Variants in TPR observed in about 807,000 individuals in gnomAD.
The protein encoded by TPR is nucleoprotein TPR.
In TPR, 51 loss-of-function variants were observed where a neutral mutation model predicts 316.1. The ratio of observed to expected loss-of-function variants is 0.16; its 90% CI spans 0.13 to 0.20. The LOEUF is 0.20. Ranked by LOEUF, TPR falls within the 10% of genes least tolerant of loss-of-function variation. The pLI, the probability that TPR is intolerant of heterozygous loss-of-function variation, is 1.00. For synonymous variants in TPR, 981 were observed against 914.7 expected, an observed-to-expected ratio of 1.07 and a Z score of -1.31; for missense variants, 2,272 against 2,754.8, an observed-to-expected ratio of 0.82 and a Z score of 3.92.
intron 14 of TPR, among the ~76,000 whole-genome samples, chr1:186,356,945 T>C (rs1659046814): frequency 6.6e-6 from 1 of 152,234 alleles, no homozygotes. Flanking sequence ...GTCTTACCCA[T>C]AACCTGAGGT....
At chr1:186,368,753 T>C (rs1300492093) in intron 3 of TPR, among the ~76,000 whole-genome samples, 7 of 152,248 alleles carry the variant, frequency 4.6e-5, no homozygotes, top group African/African-American at 1.7e-4. Context: ...AGAAGCTTTT[T>C]AGTTTGATGT....
intron 17 of TPR, among the ~76,000 whole-genome samples, chr1:186,355,063 CT>C (rs1334607900): frequency 3.3e-5 from 5 of 152,094 alleles, no homozygotes; most frequent in Non-Finnish European, 5.9e-5. Flanking sequence ...AACACTGCCG[CT>C]CAGCTAATTT....
chr1:186,372,215 C>T (rs927217904), intron 2 of TPR, among the ~76,000 whole-genome samples: 8 of 152,172 alleles, frequency 5.3e-5, no homozygotes, highest in African/African-American at 1.9e-4. Context: ...TCCTGTGTTC[C>T]TTCTCCATCA....
chr1:186,356,168 T>C (rs1238281222), intron 15 of TPR, 118 bp downstream of exon 15: 2 of 852,650 alleles, frequency 2.3e-6, no homozygotes, highest in South Asian at 2.2e-5. Flanking sequence ...TAAGCAATTA[T>C]ATATGGTAGT....
Position 186,312,337 on chromosome 1 carries a change from A to G in TPR, c.*1634T>C, listed in dbSNP as rs1357597577. 1 of 1,609,454 alleles carries G rather than the reference A, an allele frequency of 6.2e-7. No homozygotes were observed. The highest frequency in any genetic ancestry group is 1.1e-5 in the South Asian group (1 of 89,894). On this transcript the variant is annotated 3_prime_UTR_variant, in exon 51 of 51. Coordinates refer to ENST00000367478, the MANE Select transcript of TPR (RefSeq NM_003292.3). ...TCTCAAACACACACCATCAGAATTC[A>G]ATATTCACCTGCCAGACTGGCTTAT... is the stretch of plus-strand genomic sequence containing the variant.
At chr1:186,360,969 C>T in intron 9 of TPR, 64 bp from the exon 10 acceptor site, 1 of 1,522,618 alleles carries the variant, frequency 6.6e-7, no homozygotes, top group Non-Finnish European at 8.9e-7. Context: ...TTACAAAATG[C>T]AACAGATCAG....
rs1402771789 is a variant in TPR, at chr1:186,313,967, CCATT to C, written c.7092_*3del. ...ATTCACAGTTGTTATTGTTTACAGA[CCATT>C]TAATTAATATTTCCTCTGTTTATTC... On this transcript the variant is annotated stop_retained_variant and 3_prime_UTR_variant, in exon 51 of 51. Coordinates refer to ENST00000367478, the MANE Select transcript of TPR (RefSeq NM_003292.3). 1 of 1,611,094 alleles carries C rather than the reference CCATT, an allele frequency of 6.2e-7. No individual in the cohort carries two copies. Among genetic ancestry groups the C allele is most frequent in the African/African-American group, 1.3e-5 (1 of 74,864 alleles).
At chr1:186,365,753 G>A (rs1300685996) in intron 4 of TPR, among the ~76,000 whole-genome samples, 3 of 152,170 alleles carry the variant, frequency 2.0e-5, no homozygotes, top group Non-Finnish European at 2.9e-5. Flanking sequence ...TGTGCATGAT[G>A]TCACAAAATT....
In TPR at chr1:186,326,200, A is replaced by T. The variant is rs1307951926; in HGVS notation, c.5925T>A (p.Asp1975Glu). The change falls in exon 41 of 51, where the codon GAT becomes GAA. Residue 1975 changes from aspartate to glutamate, a missense_variant. Asp to Glu is a conservative substitution (Grantham distance 45). This residue lies in a region of TPR where 435 missense variants were observed against 461.1 expected (regional missense o/e 0.94). Transcript: ENST00000367478. The part of the protein sequence containing the change: ...YEEDEEDDDD[D>E]EDDTGMGDEG... ...CATCTCCCATCCCTGTGTCATCTTC[A>T]TCATCATCATCATCTTCCTCATCCT... 2.5e-6 allele frequency: 4 copies of T among 1,595,452 alleles called. No homozygotes were observed. In the African/African-American group the frequency reaches 4.0e-5, roughly 16 times the overall value.
Position 186,344,530 on chromosome 1 carries a change from G to C in TPR, c.3262C>G (p.Leu1088Val), listed in dbSNP as rs370063219. The stretch of plus-strand genomic sequence containing the variant: ...AGAGCTTCAACATCAGCAGCATGCA[G>C]CATCAATTCTCTCTCATACTTATTC... ...AQNKYERELMLHAADVEALQA... is the reference protein window; with the variant it reads ...AQNKYERELMVHAADVEALQA... The change falls in exon 25 of 51, where the codon CTG (leucine) becomes GTG (valine). Residue 1088 changes from leucine to valine, a missense_variant. Coordinates refer to ENST00000367478, the MANE Select transcript of TPR (RefSeq NM_003292.3). The C allele has an allele frequency of 2.5e-6, 4 of 1,610,384 alleles. No homozygotes were observed. The Admixed American group carries it at 5.0e-5, about 20-fold the overall frequency.
intron 3 of TPR, among the ~76,000 whole-genome samples, chr1:186,370,000 C>T (rs1457188549): frequency 6.6e-6 from 1 of 152,048 alleles, no homozygotes; most frequent in Non-Finnish European, 1.5e-5. Context: ...TTTGTGACAG[C>T]TCTGCTTCTT....
intron 43 of TPR, among the ~76,000 whole-genome samples, chr1:186,323,204 T>C (rs866193003): frequency 6.6e-6 from 1 of 152,138 alleles, no homozygotes; most frequent in Non-Finnish European, 1.5e-5. Context: ...CCCTACTACA[T>C]GCTAAATATA....
At position 186,312,196 on chromosome 1, in the gene TPR, T is replaced by C. The variant is rs1293985; in HGVS notation, c.*1775A>G. Reference sequence around the variant, plus strand: ...ACAGGTGGCAGCATTCAGCAGTATATTTATAAACAGGAACCTGTACAGAAG... The same window carrying C: ...ACAGGTGGCAGCATTCAGCAGTATACTTATAAACAGGAACCTGTACAGAAG... On this transcript the variant is annotated 3_prime_UTR_variant, in exon 51 of 51. Coordinates refer to ENST00000367478, the MANE Select transcript of TPR (RefSeq NM_003292.3). The C allele has an allele frequency of 4.9e-4, 785 of 1,613,950 alleles. 1 individual carries two copies. In the African/African-American group the frequency reaches 9.4e-3, roughly 19 times the overall value.
intron 30 of TPR, 56 bp downstream of exon 30, chr1:186,339,586 T>C (rs916869779): frequency 7.3e-7 from 1 of 1,362,576 alleles, no homozygotes; most frequent in Non-Finnish European, 9.6e-7. Flanking sequence ...GTCATGTAAA[T>C]AAGTAAAATA....
chr1:186,363,478 CTAAT>C (rs1448612088), intron 4 of TPR, 33 bp from the exon 5 acceptor site: 5 of 1,390,800 alleles, frequency 3.6e-6, no homozygotes, highest in East Asian at 2.3e-5. Context: ...AAAATAATAA[CTAAT>C]TAACACTCAG....
chr1:186,330,623 A>G (rs1371818239), intron 39 of TPR, among the ~76,000 whole-genome samples: 2 of 152,014 alleles, frequency 1.3e-5, no homozygotes, highest in East Asian at 1.9e-4. Flanking sequence ...GCATGACTCT[A>G]TTGTGTAATA....
At chr1:186,323,496 C>A (rs1044317515) in intron 43 of TPR, among the ~76,000 whole-genome samples, 190 bp downstream of exon 43, 1 of 152,064 alleles carries the variant, frequency 6.6e-6, no homozygotes, top group Non-Finnish European at 1.5e-5. Context: ...GTAACACTTG[C>A]CTTTCTAAAC....
chr1:186,335,599 A>G, intron 33 of TPR, 56 bp from the exon 34 acceptor site: 1 of 1,402,458 alleles, frequency 7.1e-7, no homozygotes. Context: ...TTAAAACAGC[A>G]TTTATGCACT....
intron 17 of TPR, among the ~76,000 whole-genome samples, chr1:186,355,027 C>T (rs944827244): frequency 6.6e-6 from 1 of 152,272 alleles, no homozygotes; most frequent in Admixed American, 6.5e-5. Flanking sequence ...CCTTAGCCTC[C>T]TGAGTAGCTG....
Sources: gnomAD v4.1 joint callset for allele counts (sites outside exome capture counted in the v4.1 genomes callset) on GRCh38, gnomAD v4.1.1 for gene constraint, gnomAD v4.1.1 regional missense constraint, MANE v1.5 for transcripts, NCBI Gene and HGNC (gene_info 2026-07-23, HGNC 2026-07-21) for gene names.